Variants in REXO5 observed in about 807,000 individuals in gnomAD.
REXO5 encodes the protein RNA exonuclease 5, also known as exonuclease NEF-sp.
In REXO5, 48 loss-of-function variants were observed where a neutral mutation model predicts 88.5. That is an observed-to-expected ratio of 0.54 (90% CI 0.43 to 0.69). The LOEUF (loss-of-function observed/expected upper bound fraction) is 0.69, where lower values mean the gene tolerates loss of function less well. Ranked by LOEUF, REXO5 falls within the 30% of genes least tolerant of loss-of-function variation. The pLI is 0.00. For synonymous variants in REXO5, 311 were observed against 336.5 expected (o/e 0.92, Z 0.83); for missense variants, 749 against 912.2 (o/e 0.82, Z 2.30).
chr16:20,835,744 A>G (rs903628425), intron 13 of REXO5, among the ~76,000 whole-genome samples: 6 of 152,106 alleles, frequency 3.9e-5, no homozygotes, highest in African/African-American at 1.2e-4. Context: ...TAGGTTCACA[A>G]CAATATTAAA....
intron 2 of REXO5, among the ~76,000 whole-genome samples, chr16:20,807,585 G>GAAAAA: frequency 2.0e-5 from 1 of 50,580 alleles, no homozygotes; most frequent in East Asian, 6.0e-4. Flanking sequence ...TCACGTCTCA[G>GAAAAA]AAAAAAAAAA....
chr16:20,806,438 A>G (rs1375928484), upstream of REXO5: 1 of 1,551,038 alleles, frequency 6.4e-7, no homozygotes. Flanking sequence ...CATTCCCGAC[A>G]CTCCTTGCTT....
intron 18 of REXO5, among the ~76,000 whole-genome samples, 158 bp downstream of exon 18, chr16:20,845,399 A>G (rs1402632443): frequency 1.3e-5 from 2 of 150,422 alleles, no homozygotes; most frequent in Non-Finnish European, 2.9e-5. Context: ...CAGATCTCTC[A>G]TACTTTTGCC....
At chr16:20,829,085 T>C (rs1253030436) in intron 11 of REXO5, among the ~76,000 whole-genome samples, 1 of 152,210 alleles carries the variant, frequency 6.6e-6, no homozygotes, top group Non-Finnish European at 1.5e-5. Flanking sequence ...GTCCCTGCAG[T>C]TGGGCTTATC....
Position 20,849,588 on chromosome 16 carries a change from T to G in REXO5, c.*108T>G. On this transcript the variant is annotated 3_prime_UTR_variant, in exon 20 of 20. Coordinates refer to ENST00000261377, the MANE Select transcript of REXO5 (RefSeq NM_030941.3). The stretch of plus-strand genomic sequence containing the variant: ...ACCAGCAGACAGCTTTATGGAAACT[T>G]GGTATAGCAGCTAAAAGAGTTTAGT... The G allele has an allele frequency of 1.1e-6, 1 of 914,580 alleles. No homozygotes were observed. The highest frequency in any genetic ancestry group is 2.4e-5 in the East Asian group (1 of 41,422). The allele number at this position is 914,580 out of a possible 1,614,324, so 56.7% of individuals were successfully genotyped here.
intron 8 of REXO5, among the ~76,000 whole-genome samples, chr16:20,826,515 G>A (rs1367905146): frequency 6.6e-6 from 1 of 152,188 alleles, no homozygotes; most frequent in Non-Finnish European, 1.5e-5. Flanking sequence ...GGACAGAGAG[G>A]CAATGATAGT....
At chr16:20,821,126 CTG>C (rs2081178014) in intron 5 of REXO5, 1 of 152,142 alleles carries the variant, frequency 6.6e-6, no homozygotes, top group South Asian at 2.1e-4. Context: ...GAGACAGGCA[CTG>C]TAAAGAACAG....
At chr16:20,828,718 G>A (rs898507206) in intron 11 of REXO5, among the ~76,000 whole-genome samples, 181 bp downstream of exon 11, 27 of 152,106 alleles carry the variant, frequency 1.8e-4, no homozygotes, top group Non-Finnish European at 3.4e-4. Flanking sequence ...CACCAGGTCA[G>A]GAGTTCGAGA....
At chr16:20,820,529 T>C (rs1212185279) in intron 5 of REXO5, among the ~76,000 whole-genome samples, 2 of 11,336 alleles carry the variant, frequency 1.8e-4, no homozygotes, top group African/African-American at 6.5e-4. Flanking sequence ...TATATATATA[T>C]ATATATATAT....
chr16:20,847,582 A>G (rs1184511343), intron 19 of REXO5, among the ~76,000 whole-genome samples: 2 of 152,180 alleles, frequency 1.3e-5, no homozygotes, highest in Non-Finnish European at 1.5e-5. Context: ...GAGATGGTCT[A>G]CCTACTGGGC....
chr16:20,807,402 TC>T (rs1278588781), intron 2 of REXO5: 8 of 292,636 alleles, frequency 2.7e-5, no homozygotes, highest in Admixed American at 9.9e-5. Context: ...CATGGAGAAA[TC>T]CCCGTCTCTA....
At position 20,844,840 on chromosome 16, in the gene REXO5, T is replaced by G. The variant is rs1256026861; in HGVS notation, c.1931T>G (p.Phe644Cys). The part of the protein sequence containing the change: ...LKSGKQKKYC[F>C]LKFKSFGSAQ... ...AGTGGAAAGCAGAAAAAATACTGTT[T>G]CCTGAGTAAGTCTATGCTACTGAAT... The change falls in exon 17 of 20, where the codon TTC (phenylalanine) becomes TGC (cysteine). Residue 644 changes from phenylalanine (F) to cysteine (C), a missense_variant. Transcript: ENST00000261377. The G allele has an allele frequency of 1.2e-6, 2 of 1,613,304 alleles. 1 individual carries two copies. Among genetic ancestry groups the G allele is most frequent in the East Asian group, 4.5e-5 (2 of 44,866 alleles).
chr16:20,844,005 G>A lies in REXO5; in HGVS notation c.1698G>A (p.Leu566=). ...QLAIESLDGI[L]VDGICIKVQR... ...CCATAGAATCCTTGGATGGTATTCTGGTAGATGGTATCTGCATCAAGGTAG... is the reference window on the plus strand; with the variant it reads ...CCATAGAATCCTTGGATGGTATTCTAGTAGATGGTATCTGCATCAAGGTAG... The change falls in exon 16 of 20, where the codon CTG becomes CTA. Residue 566 remains leucine, a synonymous_variant. Transcript: ENST00000261377. 6.3e-7 allele frequency: 1 copy of A among 1,599,000 alleles called. No individual in the cohort carries two copies.
At chr16:20,819,769 A>AAT (rs1555491435) in intron 5 of REXO5, among the ~76,000 whole-genome samples, 1 of 151,616 alleles carries the variant, frequency 6.6e-6, no homozygotes, top group African/African-American at 2.4e-5. Flanking sequence ...AAAAAAAAAA[A>AAT]AATTTAGAGT....
At chr16:20,813,631 C>T (rs899708195) in intron 3 of REXO5, among the ~76,000 whole-genome samples, 6 of 152,162 alleles carry the variant, frequency 3.9e-5, no homozygotes, top group African/African-American at 1.4e-4. Flanking sequence ...CCTACCTGGC[C>T]TGCTTCCCAT....
chr16:20,832,428 T>G (rs996157607), intron 12 of REXO5, among the ~76,000 whole-genome samples, 169 bp downstream of exon 12: 9 of 151,394 alleles, frequency 5.9e-5, no homozygotes, highest in Non-Finnish European at 1.0e-4. Flanking sequence ...CTTCTAGCCT[T>G]AATATATAGT....
Position 20,844,731 on chromosome 16 carries a change from A to G in REXO5, c.1822A>G (p.Ser608Gly), listed in dbSNP as rs184367458. ...AGGCTCTATATATCTGTCTGGAGTG[A>G]GTGAAACCTTCAAAGAACAGCTATT... is the stretch of plus-strand genomic sequence containing the variant. ...NQGSIYLSGVSETFKEQLLQE... is the reference protein window; with the variant it reads ...NQGSIYLSGVGETFKEQLLQE... The change falls in exon 17 of 20, where the codon AGT becomes GGT. Residue 608 changes from serine to glycine, a missense_variant. Coordinates refer to ENST00000261377, the MANE Select transcript of REXO5 (RefSeq NM_030941.3). 57 of 1,614,224 alleles carry G rather than the reference A, an allele frequency of 3.5e-5. No individual in the cohort carries two copies. The African/African-American group carries it at 6.3e-4, about 18-fold the overall frequency.
chr16:20,815,290 A>G (rs1404005949), intron 4 of REXO5, among the ~76,000 whole-genome samples: 1 of 152,102 alleles, frequency 6.6e-6, no homozygotes, highest in Non-Finnish European at 1.5e-5. Context: ...GTTCTATTTT[A>G]TTTGGGCTAT....
Position 20,842,594 on chromosome 16 carries a change from C to G in REXO5, c.1627-1340C>G, listed in dbSNP as rs1237102992. On this transcript the variant is annotated intron_variant, in intron 15 of 19. Coordinates refer to ENST00000261377, the MANE Select transcript of REXO5 (RefSeq NM_030941.3). ...GGCTCGAGCAATCCTCCCACCTCAG[C>G]CTCCTGCTGGGACCACAGGCATGCA... is the stretch of plus-strand genomic sequence containing the variant. Among the ~76,000 whole-genome samples the G allele has an allele frequency of 7.9e-5, 12 of 151,924 alleles. 2 individuals carry two copies. In the East Asian group the frequency reaches 2.3e-3, roughly 29 times the overall value.
Sources: allele counts gnomAD v4.1 joint callset (sites outside exome capture counted in the v4.1 genomes callset), GRCh38; gene constraint gnomAD v4.1.1; transcripts MANE v1.5; gene names NCBI Gene and HGNC (gene_info 2026-07-23, HGNC 2026-07-21).